PCBP3: variants seen among roughly 807,000 people sequenced by gnomAD.
PCBP3 encodes the protein poly(rC) binding protein 3.
In PCBP3, 25 loss-of-function variants were observed where a neutral mutation model predicts 52.7. The observed-to-expected ratio is 0.47, with a 90% CI of 0.35 to 0.66. The LOEUF is 0.66. Ranked by LOEUF, PCBP3 falls within the 30% of genes least tolerant of loss-of-function variation. The probability of loss-of-function intolerance (pLI) is 0.01; values close to 1 mark genes in which losing one functional copy is unlikely to be tolerated. For missense variants in PCBP3, 391 were observed against 490.3 expected (o/e 0.80, Z 1.91); for synonymous variants, 162 against 183.0 (o/e 0.89, Z 0.93).
chr21:45,843,083 G>A (rs1247875763), intron 4 of PCBP3, among the ~76,000 whole-genome samples: 1 of 152,118 alleles, frequency 6.6e-6, no homozygotes, highest in East Asian at 1.9e-4. Flanking sequence ...CCAAAGAATA[G>A]CGAACTCACC....
chr21:45,659,265 A>C (rs1363394233), intron 1 of PCBP3, among the ~76,000 whole-genome samples: 2 of 151,246 alleles, frequency 1.3e-5, no homozygotes. Context: ...AGGTGTTTAC[A>C]GCTATAATTT....
intron 2 of PCBP3, among the ~76,000 whole-genome samples, chr21:45,729,515 G>A (rs1211755627): frequency 3.9e-5 from 6 of 152,158 alleles, no homozygotes; most frequent in East Asian, 3.9e-4. Context: ...TTCCACCAGC[G>A]ATGTATGAGG....
intron 2 of PCBP3, among the ~76,000 whole-genome samples, chr21:45,727,897 A>G (rs868485373): frequency 2.0e-5 from 3 of 152,190 alleles, no homozygotes; most frequent in Non-Finnish European, 4.4e-5. Context: ...TGTGCAGACT[A>G]TTTCTGGACT....
chr21:45,911,587 C>T (rs975274518), intron 11 of PCBP3, among the ~76,000 whole-genome samples: 12 of 152,224 alleles, frequency 7.9e-5, no homozygotes, highest in East Asian at 3.9e-4. Context: ...TCAGAGCAGA[C>T]GCCTCTCTTG....
chr21:45,935,174 G>T, intron 15 of PCBP3, 79 bp from the exon 16 acceptor site: 1 of 983,698 alleles, frequency 1.0e-6, no homozygotes. Context: ...ACTTGACCCA[G>T]GAGAGTGAGG....
intron 14 of PCBP3, among the ~76,000 whole-genome samples, chr21:45,930,496 G>A (rs1378702276): frequency 1.3e-5 from 2 of 152,206 alleles, no homozygotes; most frequent in Admixed American, 1.3e-4. Flanking sequence ...GCTGTCATGA[G>A]GCCATCAAGG....
intron 5 of PCBP3, chr21:45,859,644 G>A (rs893912521): frequency 6.6e-6 from 1 of 152,396 alleles, no homozygotes; most frequent in African/African-American, 2.4e-5. Context: ...TCAGTGTGAT[G>A]GGTGGGCGCC....
intron 4 of PCBP3, among the ~76,000 whole-genome samples, chr21:45,785,356 G>A (rs1011997742): frequency 2.8e-5 from 4 of 145,338 alleles, no homozygotes; most frequent in East Asian, 2.1e-4. Context: ...TCAGCCCCCC[G>A]CCCGGCCAGC....
chr21:45,834,828 C>G (rs888266860), intron 4 of PCBP3, among the ~76,000 whole-genome samples: 1 of 152,268 alleles, frequency 6.6e-6, no homozygotes, highest in African/African-American at 2.4e-5. Context: ...GTTCACCTGG[C>G]ACGCTTTTCG....
At chr21:45,858,807 G>C (rs2148392836) in intron 5 of PCBP3, 1 of 152,332 alleles carries the variant, frequency 6.6e-6, no homozygotes, top group East Asian at 1.9e-4. Flanking sequence ...GGACTCAGTG[G>C]GAGGTAAGTG....
At position 45,940,079 on chromosome 21, in the gene PCBP3, G is replaced by A. The variant is rs1279582056; in HGVS notation, c.959G>A (p.Arg320Gln). The part of the protein sequence containing the change: ...GRQGTKINEI[R>Q]QMSGAQIKIA... ...CAAGGGACCAAAATCAATGAAATTCGACAGATGTCTGGAGCTCAGATCAAA... is the reference window on the plus strand; with the variant it reads ...CAAGGGACCAAAATCAATGAAATTCAACAGATGTCTGGAGCTCAGATCAAA... The change falls in exon 17 of 18, where the codon CGA becomes CAA. Residue 320 changes from arginine (R) to glutamine (Q), a missense_variant. Arg to Gln is a conservative substitution (Grantham distance 43). Coordinates refer to ENST00000681687, the MANE Select transcript of PCBP3 (RefSeq NM_001384156.1). 6.8e-6 allele frequency: 11 copies of A among 1,614,002 alleles called. No homozygotes were observed. Among genetic ancestry groups the A allele is most frequent in the African/African-American group, 1.3e-5 (1 of 74,936 alleles).
chr21:45,676,367 AT>A (rs59624748), intron 2 of PCBP3, among the ~76,000 whole-genome samples: 58,626 of 150,576 alleles, frequency 0.39, 11,597 homozygotes, highest in Middle Eastern at 0.54. Flanking sequence ...ACTTTACAGA[AT>A]TTTTTTTTTT....
chr21:45,895,442 C>T (rs1471595935), intron 5 of PCBP3, among the ~76,000 whole-genome samples: 2 of 152,198 alleles, frequency 1.3e-5, no homozygotes, highest in African/African-American at 4.8e-5. Context: ...CTCTGCAGAG[C>T]CCAGTACCTC....
Position 45,871,236 on chromosome 21 carries a change from G to A in PCBP3, c.10+21141G>A, listed in dbSNP as rs1242786348. 8 of 142,862 alleles carry A rather than the reference G, an allele frequency of 5.6e-5. No homozygotes were observed. In the Admixed American group the frequency reaches 6.0e-4, roughly 11 times the overall value. 8.8% of individuals were successfully genotyped at this position (142,862 alleles called of 1,614,324 possible). On this transcript the variant is annotated intron_variant, in intron 5 of 17. Coordinates refer to ENST00000681687, the MANE Select transcript of PCBP3 (RefSeq NM_001384156.1). ...GGAAGGCCGTGCAGTCCAGTGCCCGGGAGAGACAGGCACCCCCCAGGGAAG... is the reference window on the plus strand; with the variant it reads ...GGAAGGCCGTGCAGTCCAGTGCCCGAGAGAGACAGGCACCCCCCAGGGAAG...
intron 3 of PCBP3, chr21:45,753,127 C>CAAAAAAAA (rs55924687): frequency 4.5e-5 from 2 of 44,766 alleles, no homozygotes; most frequent in Non-Finnish European, 7.5e-5. Flanking sequence ...ACCCCGTCTC[C>CAAAAAAAA]AAAAAAAAAA....
chr21:45,783,815 G>T (rs1452467522), intron 4 of PCBP3, among the ~76,000 whole-genome samples: 1 of 152,218 alleles, frequency 6.6e-6, no homozygotes, highest in East Asian at 1.9e-4. Flanking sequence ...GCCAGCAGTG[G>T]TGAGGGTGTG....
chr21:45,835,303 C>T (rs749220853), intron 4 of PCBP3, among the ~76,000 whole-genome samples: 62 of 152,240 alleles, frequency 4.1e-4, no homozygotes, highest in African/African-American at 1.3e-3. Context: ...GCACAAGACT[C>T]GCCCCACTCC....
At chr21:45,751,639 G>C (rs185071075) in intron 3 of PCBP3, 1 of 152,414 alleles carries the variant, frequency 6.6e-6, no homozygotes, top group East Asian at 1.9e-4. Flanking sequence ...TTGTGCACTT[G>C]TGTTTGTGTG....
At chr21:45,786,959 A>T (rs1220247542) in intron 4 of PCBP3, among the ~76,000 whole-genome samples, 1 of 152,180 alleles carries the variant, frequency 6.6e-6, no homozygotes, top group Non-Finnish European at 1.5e-5. Context: ...GCCTGCTGGG[A>T]TGGAAAGGGC....
Sources: gnomAD v4.1 joint callset for allele counts (sites outside exome capture counted in the v4.1 genomes callset) on GRCh38, gnomAD v4.1.1 for gene constraint, MANE v1.5 for transcripts, NCBI Gene and HGNC (gene_info 2026-07-23, HGNC 2026-07-21) for gene names.